The following ADAMTS18 variants were observed in gnomAD, a reference collection of about 807,000 sequenced individuals.
ADAMTS18 encodes the protein ADAM metallopeptidase with thrombospondin type 1 motif 18.
ADAMTS18 carries 157 observed loss-of-function variants against 165.9 expected under a neutral mutation model. The ratio of observed to expected loss-of-function variants is 0.95; its 90% confidence interval spans 0.83 to 1.08. The LOEUF (loss-of-function observed/expected upper bound fraction) is 1.08. Among genes scored for constraint, ADAMTS18 ranks in the 50% least tolerant of loss-of-function variants. The pLI is 0.00. For missense variants in ADAMTS18, 2,040 were observed against 1,534.0 expected (o/e 1.33, Z -5.51); for synonymous variants, 782 against 578.2 (o/e 1.35, Z -5.06).
At chr16:77,359,503 T>C in intron 7 of ADAMTS18, 80 bp from the exon 8 acceptor site, 1 of 1,207,884 alleles carries the variant, frequency 8.3e-7, no homozygotes, top group Admixed American at 2.0e-5. Context: ...CCTCAAAATG[T>C]TCTACACAGT....
chr16:77,385,235 A>G (rs577197854), intron 3 of ADAMTS18, among the ~76,000 whole-genome samples: 1 of 152,308 alleles, frequency 6.6e-6, no homozygotes, highest in South Asian at 2.1e-4. Context: ...ATATAAGATT[A>G]GTATCCCTTG....
At chr16:77,402,160 A>G (rs971659992) in intron 3 of ADAMTS18, among the ~76,000 whole-genome samples, 2 of 152,196 alleles carry the variant, frequency 1.3e-5, no homozygotes, top group African/African-American at 4.8e-5. Context: ...GCTGACTAAT[A>G]CACTCGGTCT....
chr16:77,302,442 G>C (rs932295375), intron 16 of ADAMTS18, among the ~76,000 whole-genome samples: 6 of 152,136 alleles, frequency 3.9e-5, no homozygotes, highest in African/African-American at 1.4e-4. Context: ...CAATGCATAA[G>C]AGTTACAGTG....
At chr16:77,416,187 G>T (rs896865912) in intron 3 of ADAMTS18, among the ~76,000 whole-genome samples, 2 of 152,176 alleles carry the variant, frequency 1.3e-5, no homozygotes, top group African/African-American at 4.8e-5. Flanking sequence ...TAATCAGATG[G>T]ATACCTGGGG....
intron 3 of ADAMTS18, among the ~76,000 whole-genome samples, chr16:77,425,104 A>G (rs115110679): frequency 3.2e-3 from 485 of 152,308 alleles, no homozygotes; most frequent in African/African-American, 0.011. Context: ...ATTGAAATCC[A>G]ATTGTTTCCA....
intron 3 of ADAMTS18, among the ~76,000 whole-genome samples, chr16:77,369,279 A>G (rs997812361): frequency 1.3e-5 from 2 of 152,130 alleles, no homozygotes. Context: ...TATCTTTTTA[A>G]AAAACCAACT....
chr16:77,363,710 C>CTAG lies in ADAMTS18; in HGVS notation c.1056+89_1056+91dup, dbSNP rs1223211173. ...AGTTTCAAATTTGAGCAGCTAACGA[C>CTAG]TAGTACATGGATTAGTGAACACAGT... On this transcript the variant is annotated intron_variant, in intron 6 of 22. Coordinates refer to ENST00000282849, the MANE Select transcript of ADAMTS18 (RefSeq NM_199355.4). 3 of 1,180,962 alleles carry CTAG rather than the reference C, an allele frequency of 2.5e-6. No individual in the cohort carries two copies. The African/African-American group carries it at 4.5e-5, about 18-fold the overall frequency. The allele number at this position is 1,180,962 out of a possible 1,614,324, so 73.2% of individuals were successfully genotyped here. A position where few individuals can be genotyped will look rare whatever the true frequency, so the allele number is the denominator to read the frequency against.
rs747733216 is a variant in ADAMTS18 at position 77,293,257 on chromosome 16, C to A, written c.3008G>T (p.Cys1003Phe). The change falls in exon 20 of 23, where the codon TGT becomes TTT. Residue 1003 changes from cysteine (C) to phenylalanine (F), a missense_variant and splice_region_variant. By Grantham distance (205) the Cys-to-Phe change is radical. Coordinates refer to ENST00000282849, the MANE Select transcript of ADAMTS18 (RefSeq NM_199355.4). ...CACCCCTCGTCCACAGGTCTTGGAA[C>A]ACTTGAGAAGACAAAAAAGTTCTAT... ...PQWSLGPWSQ[C>F]SKTCGRGVRK... The A allele has an allele frequency of 6.2e-7, 1 of 1,613,478 alleles. No individual in the cohort carries two copies. Among genetic ancestry groups the A allele is most frequent in the Non-Finnish European group, 8.5e-7 (1 of 1,179,774 alleles).
chr16:77,405,526 A>G (rs1029870270), intron 3 of ADAMTS18, among the ~76,000 whole-genome samples: 5 of 152,192 alleles, frequency 3.3e-5, no homozygotes, highest in Admixed American at 6.5e-5. Flanking sequence ...CTAAGTGAGA[A>G]AGCAGTATTA....
chr16:77,352,816 A>G (rs1445169095), intron 10 of ADAMTS18, among the ~76,000 whole-genome samples: 1 of 152,104 alleles, frequency 6.6e-6, no homozygotes. Flanking sequence ...AAATGATTCT[A>G]CTTTTTAGTA....
At chr16:77,371,176 T>C (rs990499164) in intron 3 of ADAMTS18, among the ~76,000 whole-genome samples, 1 of 151,818 alleles carries the variant, frequency 6.6e-6, no homozygotes, top group South Asian at 2.1e-4. Flanking sequence ...AATCATTCTA[T>C]TGCACTCCAG....
At chr16:77,303,682 A>G (rs531745566) in intron 16 of ADAMTS18, among the ~76,000 whole-genome samples, 82 of 152,202 alleles carry the variant, frequency 5.4e-4, no homozygotes, top group African/African-American at 1.7e-3. Flanking sequence ...CCCCCAGTGG[A>G]GAAGATGAGA....
At chr16:77,428,493 C>G (rs1309469410) in intron 3 of ADAMTS18, among the ~76,000 whole-genome samples, 1 of 152,108 alleles carries the variant, frequency 6.6e-6, no homozygotes, top group Non-Finnish European at 1.5e-5. Flanking sequence ...AACTATCAAT[C>G]AGAACAGCTA....
chr16:77,333,209 T>C (rs1261285652), intron 12 of ADAMTS18, among the ~76,000 whole-genome samples: 1 of 152,122 alleles, frequency 6.6e-6, no homozygotes, highest in Non-Finnish European at 1.5e-5. Context: ...GCACATGGAC[T>C]TTATATGCAA....
chr16:77,391,137 C>T (rs552969755), intron 3 of ADAMTS18, among the ~76,000 whole-genome samples: 11 of 152,276 alleles, frequency 7.2e-5, no homozygotes, highest in Non-Finnish European at 1.0e-4. Context: ...ATAAGTTAAA[C>T]GCACAAATAG....
intron 3 of ADAMTS18, among the ~76,000 whole-genome samples, chr16:77,406,977 A>T (rs1229657905): frequency 6.6e-6 from 1 of 152,010 alleles, no homozygotes; most frequent in Non-Finnish European, 1.5e-5. Flanking sequence ...CTGAAAAACT[A>T]CCTATTGGGT....
At chr16:77,369,041 G>A (rs1347527884) in intron 3 of ADAMTS18, among the ~76,000 whole-genome samples, 1 of 152,148 alleles carries the variant, frequency 6.6e-6, no homozygotes, top group Non-Finnish European at 1.5e-5. Flanking sequence ...ACCCTGCTGG[G>A]GAAAGTGTAA....
chr16:77,316,497 C>A (rs182759707), intron 16 of ADAMTS18, among the ~76,000 whole-genome samples: 1 of 152,054 alleles, frequency 6.6e-6, no homozygotes, highest in Non-Finnish European at 1.5e-5. Flanking sequence ...TCCTTGACAT[C>A]CTGATGTTGT....
intron 8 of ADAMTS18, among the ~76,000 whole-genome samples, chr16:77,358,119 C>T (rs1005589727): frequency 2.0e-5 from 3 of 152,134 alleles, no homozygotes; most frequent in Non-Finnish European, 2.9e-5. Context: ...TTTCGCTTCT[C>T]CATTTACAAT....
Sources: gnomAD v4.1 joint callset for allele counts (sites outside exome capture counted in the v4.1 genomes callset) on GRCh38, gnomAD v4.1.1 for gene constraint, MANE v1.5 for transcripts, NCBI Gene and HGNC (gene_info 2026-07-23, HGNC 2026-07-21) for gene names.